The following PROM1 variants were observed in gnomAD, a reference collection of about 807,000 sequenced individuals.
The protein encoded by PROM1 is prominin 1.
PROM1 carries 105 observed loss-of-function variants against 116.9 expected under a neutral mutation model. The observed-to-expected ratio is 0.90, with a 90% CI of 0.77 to 1.06. The LOEUF is 1.06. Ranked by LOEUF, PROM1 falls within the 50% of genes least tolerant of loss-of-function variation. The pLI is 0.00. For missense variants in PROM1, 1,122 were observed against 1,045.2 expected, an observed-to-expected ratio of 1.07 and a Z score of -1.01; for synonymous variants, 393 against 387.0, an observed-to-expected ratio of 1.02 and a Z score of -0.18.
chr4:15,986,315 T>C (rs947850405), intron 20 of PROM1, among the ~76,000 whole-genome samples: 1 of 152,158 alleles, frequency 6.6e-6, no homozygotes, highest in Non-Finnish European at 1.5e-5. Context: ...AGGAAGGTAC[T>C]GTTTGTTAGG....
intron 27 of PROM1, among the ~76,000 whole-genome samples, chr4:15,970,267 G>T (rs1714123067): frequency 6.6e-6 from 1 of 150,786 alleles, no homozygotes; most frequent in Non-Finnish European, 1.5e-5. Flanking sequence ...CCAGGTTGAA[G>T]CGATTCTCCT....
At chr4:16,014,057 C>T (rs773778416) in intron 10 of PROM1, among the ~76,000 whole-genome samples, 20 of 152,162 alleles carry the variant, frequency 1.3e-4, no homozygotes, top group Non-Finnish European at 2.5e-4. Flanking sequence ...GCTAAACCCC[C>T]CATGAGAGGG....
Position 16,062,029 on chromosome 4 carries a change from C to T in PROM1, c.220+13658G>A, listed in dbSNP as rs57719815. 8.9e-3 allele frequency among the ~76,000 whole-genome samples: 1,344 copies of T among 151,774 alleles called. 38 individuals are homozygous for T. Among genetic ancestry groups the T allele is most frequent in the East Asian group, 0.065 (335 of 5,152 alleles). Reference sequence around the variant, plus strand: ...GCCTCAGCCCCCGGAGTAGCTGGGACTACGGGCGCCTGCCACCACGCCCGG... The same window carrying T: ...GCCTCAGCCCCCGGAGTAGCTGGGATTACGGGCGCCTGCCACCACGCCCGG... On this transcript the variant is annotated intron_variant, in intron 2 of 27. Coordinates refer to ENST00000447510, the MANE Select transcript of PROM1 (RefSeq NM_006017.3).
At chr4:16,004,890 T>C (rs2149219856) in intron 13 of PROM1, among the ~76,000 whole-genome samples, 1 of 111,256 alleles carries the variant, frequency 9.0e-6, no homozygotes. Context: ...TCTCTCTCCC[T>C]CCCCCTCTCT....
At chr4:15,982,739 C>T (rs1718285945) in intron 23 of PROM1, among the ~76,000 whole-genome samples, 1 of 152,166 alleles carries the variant, frequency 6.6e-6, no homozygotes, top group Non-Finnish European at 1.5e-5. Context: ...GCTCTGGACT[C>T]CCCTAATGAA....
chr4:16,046,844 T>G (rs1340766815), intron 2 of PROM1, among the ~76,000 whole-genome samples: 1 of 152,116 alleles, frequency 6.6e-6, no homozygotes, highest in Non-Finnish European at 1.5e-5. Context: ...AAGACACAGG[T>G]GACTTTGCTC....
chr4:16,053,637 G>C (rs1022179225), intron 2 of PROM1, among the ~76,000 whole-genome samples: 1 of 152,208 alleles, frequency 6.6e-6, no homozygotes, highest in Non-Finnish European at 1.5e-5. Flanking sequence ...GGAAAATGAC[G>C]TTATGTTTGG....
rs1730409582 is a variant in PROM1, at chr4:16,023,391, C to T, written c.719G>A (p.Gly240Glu). The change falls in exon 8 of 28, where the codon GGA becomes GAA. Residue 240 changes from glycine (G) to glutamate (E), a missense_variant. Physicochemically the swap from Gly to Glu is moderately conservative, Grantham distance 98 (BLOSUM62 -2). Transcript: ENST00000447510. ...LNSINSVLGG[G>E]ILDRLRPNII... ...GTTGGGTCTCAGTCGGTCAAGAATT[C>T]CGCCTCCTAGCACTGAATTGATACC... The T allele has an allele frequency of 4.4e-6, 7 of 1,604,860 alleles. No individual in the cohort carries two copies. The highest frequency in any genetic ancestry group is 1.7e-5 in the Admixed American group (1 of 59,022).
At chr4:16,046,677 C>T (rs992456083) in intron 2 of PROM1, among the ~76,000 whole-genome samples, 1 of 152,224 alleles carries the variant, frequency 6.6e-6, no homozygotes, top group Non-Finnish European at 1.5e-5. Flanking sequence ...TACAAATACA[C>T]ATGCATTTGC....
Position 16,041,747 on chromosome 4 carries a change from C to CAAAT in PROM1, c.221-2750_221-2747dup, listed in dbSNP as rs777799271. On this transcript the variant is annotated intron_variant, in intron 2 of 27. Coordinates refer to ENST00000447510, the MANE Select transcript of PROM1 (RefSeq NM_006017.3). Reference sequence around the variant, plus strand: ...CGGGTGACAGATCGAGACCCTGCCTCAAATAAATAAATAAATAAATAAATA... The same window carrying CAAAT: ...CGGGTGACAGATCGAGACCCTGCCTCAAATAAATAAATAAATAAATAAATAAATA... Among the ~76,000 whole-genome samples the CAAAT allele has an allele frequency of 1.2e-3, 100 of 82,080 alleles. 1 individual carries two copies. The highest frequency in any genetic ancestry group is 4.0e-3 in the East Asian group (17 of 4,252). 53.8% of individuals were successfully genotyped at this position (82,080 alleles called of 152,430 possible).
chr4:16,057,523 A>C (rs1195914116), intron 2 of PROM1, among the ~76,000 whole-genome samples: 1 of 152,198 alleles, frequency 6.6e-6, no homozygotes, highest in Non-Finnish European at 1.5e-5. Context: ...GTGAGCTAAG[A>C]AGCTTCTTCT....
At chr4:16,004,324 C>T (rs888471646) in intron 13 of PROM1, among the ~76,000 whole-genome samples, 4 of 152,220 alleles carry the variant, frequency 2.6e-5, no homozygotes, top group African/African-American at 9.6e-5. Context: ...CCACAGGTCT[C>T]CATGTCTATA....
At chr4:16,018,685 G>A (rs1394806146) in intron 8 of PROM1, 145 bp from the exon 9 acceptor site, 1 of 682,868 alleles carries the variant, frequency 1.5e-6, no homozygotes, top group African/African-American at 1.8e-5. Context: ...TCTGAGAGGG[G>A]AATACAGGAG....
chr4:16,075,942 G>A lies in PROM1; in HGVS notation c.-36C>T. 1 of 1,554,536 alleles carries A rather than the reference G, an allele frequency of 6.4e-7. No homozygotes were observed. The highest frequency in any genetic ancestry group is 8.7e-7 in the Non-Finnish European group (1 of 1,147,752). ...ATCCTCCAAACATGAGGTAGAACTT[G>A]GTGCCTCCTGCCTCAGAGCTTCTGG... On this transcript the variant is annotated 5_prime_UTR_variant, in exon 2 of 28. Transcript: ENST00000447510.
At chr4:16,052,711 G>A (rs12505013) in intron 2 of PROM1, among the ~76,000 whole-genome samples, 1 of 152,152 alleles carries the variant, frequency 6.6e-6, no homozygotes, top group Admixed American at 6.5e-5. Context: ...AAACTCTTGG[G>A]CTCAAGTGAT....
chr4:16,013,153 AGTTTT>A, intron 11 of PROM1, 117 bp downstream of exon 11: 1 of 748,394 alleles, frequency 1.3e-6, no homozygotes, highest in Non-Finnish European at 2.3e-6. Context: ...ATATTTGTTT[AGTTTT>A]GACAGCTTTA....
At chr4:16,026,574 C>A (rs1478296146) in intron 5 of PROM1, among the ~76,000 whole-genome samples, 1 of 152,134 alleles carries the variant, frequency 6.6e-6, no homozygotes, top group Non-Finnish European at 1.5e-5. Context: ...CTTTATCGTG[C>A]ATATAATTAC....
At chr4:15,990,747 G>A (rs1031327737) in intron 18 of PROM1, among the ~76,000 whole-genome samples, 3 of 152,188 alleles carry the variant, frequency 2.0e-5, no homozygotes, top group Non-Finnish European at 2.9e-5. Context: ...ATCACCATAA[G>A]GCATGCCCGC....
intron 12 of PROM1, among the ~76,000 whole-genome samples, chr4:16,007,390 CAA>C (rs1384763546): frequency 6.6e-6 from 1 of 152,232 alleles, no homozygotes; most frequent in African/African-American, 2.4e-5. Context: ...TTCCCGGCAG[CAA>C]GAGGCATTCA....
Sources: allele counts gnomAD v4.1 joint callset (sites outside exome capture counted in the v4.1 genomes callset), GRCh38; gene constraint gnomAD v4.1.1; transcripts MANE v1.5; gene names NCBI Gene and HGNC (gene_info 2026-07-23, HGNC 2026-07-21).